Variants in CAPN9 observed in about 807,000 individuals in gnomAD.
The protein encoded by CAPN9 is calpain 9, also known as calpain-9.
Under a neutral mutation model 92.8 loss-of-function variants are expected in CAPN9, and 81 were observed. That is an observed-to-expected ratio of 0.87 (90% CI 0.73 to 1.05). The LOEUF (loss-of-function observed/expected upper bound fraction) is 1.05. CAPN9 is among the 50% of genes least tolerant of loss of function. The pLI is 0.00. For missense variants in CAPN9, 848 were observed against 866.2 expected, an observed-to-expected ratio of 0.98 and a Z score of 0.26; for synonymous variants, 304 against 328.0, an observed-to-expected ratio of 0.93 and a Z score of 0.79.
chr1:230,792,342 C>G, intron 15 of CAPN9, 84 bp from the exon 16 acceptor site: 1 of 1,162,516 alleles, frequency 8.6e-7, no homozygotes, highest in Admixed American at 1.7e-5. Context: ...TCGGCCCTCC[C>G]CCTCTGCAGT....
chr1:230,757,262 G>A (rs558767987), intron 2 of CAPN9, among the ~76,000 whole-genome samples: 1 of 151,978 alleles, frequency 6.6e-6, no homozygotes, highest in Non-Finnish European at 1.5e-5. Context: ...TTACATTCAG[G>A]TGGTCCTTCT....
In CAPN9 at chr1:230,786,009, C is replaced by A; in HGVS notation, c.1510C>A (p.Leu504Ile). 1 of 1,613,944 alleles carries A rather than the reference C, an allele frequency of 6.2e-7. No individual in the cohort carries two copies. The change falls in exon 12 of 20, where the codon CTT (leucine) becomes ATT (isoleucine). Residue 504 changes from leucine to isoleucine, a missense_variant. Physicochemically the swap from Leu to Ile is conservative, Grantham distance 5 (BLOSUM62 2). Coordinates refer to ENST00000271971, the MANE Select transcript of CAPN9 (RefSeq NM_006615.3). ...TATGGATGGAAATGTAGACATTGAC[C>A]TTCCTGAGGTGAGTCTTCTGATGTT... is the stretch of plus-strand genomic sequence containing the variant. Reference protein sequence around the residue: ...RDMDGNVDIDLPEPPKPTPPD... With the variant: ...RDMDGNVDIDIPEPPKPTPPD...
Position 230,790,175 on chromosome 1 carries a change from C to G in CAPN9, c.1643C>G (p.Ala548Gly), listed in dbSNP as rs551933511. The G allele has an allele frequency of 8.1e-6, 13 of 1,614,092 alleles. No homozygotes were observed. The South Asian group carries it at 1.4e-4, about 18-fold the overall frequency. ...GAGGAACTTGAGTATGTTTTAAATG[C>G]TGTGCTGCAAAAGAGTAAGTGCCAA... Reference protein sequence around the residue: ...TAEELEYVLNAVLQKKKDIKF... With the variant: ...TAEELEYVLNGVLQKKKDIKF... The change falls in exon 14 of 20, where the codon GCT (alanine) becomes GGT (glycine). Residue 548 changes from alanine (A) to glycine (G), a missense_variant. Physicochemically the swap from Ala to Gly is moderately conservative, Grantham distance 60 (BLOSUM62 0). Coordinates refer to ENST00000271971, the MANE Select transcript of CAPN9 (RefSeq NM_006615.3).
intron 4 of CAPN9, 100 bp from the exon 5 acceptor site, chr1:230,767,441 G>A (rs909550171): frequency 4.1e-6 from 4 of 976,610 alleles, no homozygotes; most frequent in Non-Finnish European, 6.0e-6. Flanking sequence ...CAAGCCCTGG[G>A]AGATGCTTCA....
At chr1:230,749,880 C>T (rs1172268250) in intron 1 of CAPN9, among the ~76,000 whole-genome samples, 1 of 152,152 alleles carries the variant, frequency 6.6e-6, no homozygotes, top group Non-Finnish European at 1.5e-5. Flanking sequence ...GGGCCCCCAT[C>T]CTTGCAGTCT....
intron 2 of CAPN9, among the ~76,000 whole-genome samples, chr1:230,757,630 G>A (rs6688913): frequency 0.44 from 67,080 of 150,756 alleles, 15,066 homozygotes; most frequent in Non-Finnish European, 0.48. Context: ...ACCTGTAATC[G>A]CAGCGCTTTG....
Position 230,760,199 on chromosome 1 carries a change from C to T in CAPN9, c.402+569C>T, listed in dbSNP as rs190299188. Among the ~76,000 whole-genome samples the T allele has an allele frequency of 4.0e-4, 61 of 152,214 alleles. 1 individual carries two copies. Among genetic ancestry groups the T allele is most frequent in the African/African-American group, 1.1e-3 (44 of 41,522 alleles). On this transcript the variant is annotated intron_variant, in intron 3 of 19. Coordinates refer to ENST00000271971, the MANE Select transcript of CAPN9 (RefSeq NM_006615.3). ...CTATCCCTCCAGTCTCTCCTCCACC[C>T]CTGTCCTTATATAGGGTTCGACCAG...
intron 3 of CAPN9, among the ~76,000 whole-genome samples, chr1:230,760,366 A>G (rs890043811): frequency 6.6e-6 from 1 of 152,162 alleles, no homozygotes; most frequent in African/African-American, 2.4e-5. Context: ...AAATGGCATC[A>G]CACACAGGAG....
chr1:230,774,739 CTTTT>C (rs747512464), intron 8 of CAPN9, 108 bp downstream of exon 8: 2,340 of 382,688 alleles, frequency 6.1e-3, no homozygotes, highest in South Asian at 0.011. Context: ...TTCTTTCTTT[CTTTT>C]TTTTTTTTTT....
At chr1:230,795,700 G>A (rs376261854) in intron 18 of CAPN9, among the ~76,000 whole-genome samples, 35 of 152,038 alleles carry the variant, frequency 2.3e-4, no homozygotes, top group South Asian at 4.2e-4. Flanking sequence ...ACCACAAATA[G>A]AGAGGGATTA....
rs563237661 is a variant in CAPN9, at chr1:230,759,717, G to GA, written c.402+94dup. ...ATTTCCACACTGCCTGGTAACCCTA[G>GA]AAAAAAATGTCATCAGATCTGTGTG... On this transcript the variant is annotated intron_variant, in intron 3 of 19. Transcript: ENST00000271971. The GA allele has an allele frequency of 1.2e-5, 10 of 808,598 alleles. 1 individual carries two copies. Among genetic ancestry groups the GA allele is most frequent in the Non-Finnish European group, 1.8e-5 (9 of 503,714 alleles). 50.1% of individuals were successfully genotyped at this position (808,598 alleles called of 1,614,324 possible). A position where few individuals can be genotyped will look rare whatever the true frequency, so the allele number is the denominator to read the frequency against.
chr1:230,754,751 G>A (rs1665116457), intron 1 of CAPN9, among the ~76,000 whole-genome samples: 1 of 152,166 alleles, frequency 6.6e-6, no homozygotes, highest in African/African-American at 2.4e-5. Context: ...GAAGGTCAAG[G>A]CTGTAGTGAG....
Position 230,780,557 on chromosome 1 carries a change from G to A in CAPN9, c.1330G>A (p.Ala444Thr), listed in dbSNP as rs778624600. The A allele has an allele frequency of 3.1e-6, 5 of 1,614,192 alleles. No homozygotes were observed. Among genetic ancestry groups the A allele is most frequent in the Admixed American group, 1.7e-5 (1 of 60,026 alleles). The change falls in exon 11 of 20, where the codon GCC (alanine) becomes ACC (threonine). Residue 444 changes from alanine to threonine, a missense_variant. By Grantham distance (58) the Ala-to-Thr change is moderately conservative. Coordinates refer to ENST00000271971, the MANE Select transcript of CAPN9 (RefSeq NM_006615.3). ...CTTCTTCAGATACCACGCTTCTCGG[G>A]CCAGAAGCAAGACGTTCATCAACCT... ...KDFFRYHASRARSKTFINLRE... is the reference protein window; with the variant it reads ...KDFFRYHASRTRSKTFINLRE...
chr1:230,770,104 T>TA (rs892463605), intron 6 of CAPN9, among the ~76,000 whole-genome samples: 1 of 152,118 alleles, frequency 6.6e-6, no homozygotes, highest in Admixed American at 6.5e-5. Flanking sequence ...TCACCTGTAA[T>TA]ACGATTTATT....
At chr1:230,751,584 AC>A (rs1558304417) in intron 1 of CAPN9, among the ~76,000 whole-genome samples, 351 of 11,328 alleles carry the variant, frequency 0.031, 2 homozygotes, top group African/African-American at 0.12. Flanking sequence ...GAAGAAAGAA[AC>A]AAAGAAAGAA....
chr1:230,758,735 C>A (rs1665418940), intron 2 of CAPN9, among the ~76,000 whole-genome samples: 1 of 152,122 alleles, frequency 6.6e-6, no homozygotes, highest in African/African-American at 2.4e-5. Flanking sequence ...TTGATGTTGT[C>A]TACTGAAAAC....
chr1:230,770,828 C>T (rs16852607), intron 6 of CAPN9, among the ~76,000 whole-genome samples: 10,613 of 152,244 alleles, frequency 0.07, 400 homozygotes, highest in African/African-American at 0.088. Flanking sequence ...TCTTCTGTAG[C>T]CACCCACCTT....
chr1:230,757,503 C>T (rs1395076922), intron 2 of CAPN9, among the ~76,000 whole-genome samples: 1 of 152,132 alleles, frequency 6.6e-6, no homozygotes, highest in Non-Finnish European at 1.5e-5. Context: ...ACTTTTACTA[C>T]ACCAAAGTAC....
chr1:230,759,129 G>A (rs752144667), intron 2 of CAPN9, among the ~76,000 whole-genome samples: 23 of 152,156 alleles, frequency 1.5e-4, no homozygotes, highest in Admixed American at 3.3e-4. Flanking sequence ...AAGTACTGCC[G>A]AACCACTTGG....
Sources: gnomAD v4.1 joint callset for allele counts (sites outside exome capture counted in the v4.1 genomes callset) on GRCh38, gnomAD v4.1.1 for gene constraint, MANE v1.5 for transcripts, NCBI Gene and HGNC (gene_info 2026-07-23, HGNC 2026-07-21) for gene names.